Variants in TMEM232 observed in about 807,000 individuals in gnomAD.
TMEM232 encodes transmembrane protein 232.
A neutral mutation model predicts 78.8 loss-of-function variants in TMEM232; 80 were observed. The observed-to-expected ratio is 1.01, with a 90% CI of 0.85 to 1.22. The LOEUF is 1.22. Among genes scored for constraint, TMEM232 ranks in the 50% most tolerant of loss-of-function variants. TMEM232 has a pLI of 0.00. For synonymous variants in TMEM232, 297 were observed against 254.3 expected (o/e 1.17, Z -1.60); for missense variants, 881 against 742.2 (o/e 1.19, Z -2.17).
intron 10 of TMEM232, among the ~76,000 whole-genome samples, chr5:110,601,808 A>G (rs145077161): frequency 0.02 from 3,017 of 152,294 alleles, 88 homozygotes; most frequent in African/African-American, 0.07. Flanking sequence ...TAAATTTCAT[A>G]TGGAACCAAA....
intron 5 of TMEM232, among the ~76,000 whole-genome samples, chr5:110,637,329 T>C (rs1173897048): frequency 6.6e-6 from 1 of 151,614 alleles, no homozygotes; most frequent in African/African-American, 2.4e-5. Flanking sequence ...TATTATGTAT[T>C]CTCTGTATCT....
intron 4 of TMEM232, 100 bp downstream of exon 4, chr5:110,640,791 G>T: frequency 1.4e-6 from 1 of 732,462 alleles, no homozygotes; most frequent in Non-Finnish European, 2.0e-6. Context: ...AAAATTTCTT[G>T]TCTTCTGCAC....
At chr5:110,440,131 A>G (rs1758870057) in intron 12 of TMEM232, among the ~76,000 whole-genome samples, 1 of 152,170 alleles carries the variant, frequency 6.6e-6, no homozygotes, top group Admixed American at 6.6e-5. Flanking sequence ...GATGAGTAGG[A>G]GTTAGTATAA....
intron 10 of TMEM232, among the ~76,000 whole-genome samples, chr5:110,595,868 A>C (rs928897130): frequency 6.6e-6 from 1 of 152,144 alleles, no homozygotes; most frequent in African/African-American, 2.4e-5. Flanking sequence ...TATTATCCGG[A>C]AGAACTTCCC....
intron 11 of TMEM232, among the ~76,000 whole-genome samples, chr5:110,559,766 C>T (rs956598383): frequency 1.3e-5 from 2 of 152,126 alleles, no homozygotes; most frequent in African/African-American, 2.4e-5. Context: ...TTTATCATGT[C>T]ACAGTTCTGA....
chr5:110,475,041 A>C (rs928584403), intron 12 of TMEM232, among the ~76,000 whole-genome samples: 1 of 151,984 alleles, frequency 6.6e-6, no homozygotes, highest in Non-Finnish European at 1.5e-5. Context: ...AAAAGTCCTG[A>C]AGAGCCCTAA....
chr5:110,395,916 T>C (rs943655376), intron 3 of TMEM232, among the ~76,000 whole-genome samples: 3 of 152,124 alleles, frequency 2.0e-5, no homozygotes, highest in Admixed American at 1.3e-4. Flanking sequence ...GCAACTATCT[T>C]ACACTATGAA....
At chr5:110,721,206 C>A (rs1797561492) in intron 1 of TMEM232, among the ~76,000 whole-genome samples, 1 of 152,016 alleles carries the variant, frequency 6.6e-6, no homozygotes, top group African/African-American at 2.4e-5. Flanking sequence ...TTTCATGGGG[C>A]AGTCTTTTAC....
intron 2 of TMEM232, among the ~76,000 whole-genome samples, chr5:110,651,983 G>C (rs1463438627): frequency 6.6e-6 from 1 of 151,980 alleles, no homozygotes; most frequent in Admixed American, 6.6e-5. Flanking sequence ...ACAAACATCT[G>C]GTGTTTGCTT....
chr5:110,629,080 G>A (rs1234162153), intron 5 of TMEM232: 1 of 151,868 alleles, frequency 6.6e-6, no homozygotes, highest in African/African-American at 2.4e-5. Flanking sequence ...GTTTCTCTAA[G>A]AGACCGAAGT....
intron 12 of TMEM232, among the ~76,000 whole-genome samples, chr5:110,501,574 T>A (rs1766270318): frequency 6.6e-6 from 1 of 152,134 alleles, no homozygotes; most frequent in South Asian, 2.1e-4. Context: ...AGGTGACCAT[T>A]TTAAAGGTTC....
intron 1 of TMEM232, among the ~76,000 whole-genome samples, chr5:110,670,551 T>C (rs1791223966): frequency 6.6e-6 from 1 of 152,138 alleles, no homozygotes; most frequent in African/African-American, 2.4e-5. Flanking sequence ...AAAATGGCCA[T>C]ATTGTCCAAC....
intron 12 of TMEM232, among the ~76,000 whole-genome samples, chr5:110,519,943 T>C (rs973459456): frequency 2.7e-5 from 4 of 150,540 alleles, no homozygotes; most frequent in East Asian, 2.0e-4. Flanking sequence ...AGATGGAGAA[T>C]AGAATGATGG....
chr5:110,500,388 T>C (rs1766133813), intron 12 of TMEM232, among the ~76,000 whole-genome samples: 1 of 151,962 alleles, frequency 6.6e-6, no homozygotes, highest in Non-Finnish European at 1.5e-5. Flanking sequence ...GGAATTAAAT[T>C]TGATGTGAAT....
rs201775521 is a variant in TMEM232, at chr5:110,480,230, C to CA, written c.1703+48357dup. Among the ~76,000 whole-genome samples, 1,118 of 146,800 alleles carry CA rather than the reference C, an allele frequency of 7.6e-3. 20 individuals are homozygous for CA. Among genetic ancestry groups the CA allele is most frequent in the African/African-American group, 0.024 (958 of 40,194 alleles). On this transcript the variant is annotated intron_variant, in intron 12 of 13. Transcript: ENST00000455884. ...AAAAGAAGCTTCTATATTCTCCATG[C>CA]AAAAAAAAATGATCTTCAGAGATTA...
intron 1 of TMEM232, among the ~76,000 whole-genome samples, chr5:110,684,160 G>C (rs577984203): frequency 6.6e-6 from 1 of 151,950 alleles, no homozygotes; most frequent in South Asian, 2.1e-4. Flanking sequence ...AACCATAAAA[G>C]GGTGTCTATA....
intron 1 of TMEM232, among the ~76,000 whole-genome samples, chr5:110,699,193 C>A (rs1317061437): frequency 6.6e-6 from 1 of 152,020 alleles, no homozygotes; most frequent in Non-Finnish European, 1.5e-5. Context: ...TGAAGGTGAG[C>A]TTTCTTGAGA....
At chr5:110,653,937 T>G (rs1788680241) in intron 2 of TMEM232, among the ~76,000 whole-genome samples, 1 of 152,174 alleles carries the variant, frequency 6.6e-6, no homozygotes, top group South Asian at 2.1e-4. Flanking sequence ...CCTTAAAATT[T>G]CAAGAGGAAG....
Position 110,528,804 on chromosome 5 carries a change from G to C in TMEM232, c.1487C>G (p.Thr496Ser), listed in dbSNP as rs896402447. The change falls in exon 12 of 14, where the codon ACT (threonine) becomes AGT (serine). Residue 496 changes from threonine (T) to serine (S), a missense_variant. By Grantham distance (58) the Thr-to-Ser change is moderately conservative (BLOSUM62 1). Transcript: ENST00000455884. ...AELNDPTDPFTRYSTNISSNV... is the reference protein window; with the variant it reads ...AELNDPTDPFSRYSTNISSNV... ...TGATGAAATATTTGTACTATATCTA[G>C]TGAAAGGATCAGTTGGGTCATTTAA... is the stretch of plus-strand genomic sequence containing the variant. 1.7e-5 allele frequency: 26 copies of C among 1,516,996 alleles called. 1 individual carries two copies. In the African/African-American group the frequency reaches 2.5e-4, roughly 14 times the overall value. 94.0% of individuals were successfully genotyped at this position (1,516,996 alleles called of 1,614,324 possible).
Sources: gnomAD v4.1 joint callset for allele counts (sites outside exome capture counted in the v4.1 genomes callset) on GRCh38, gnomAD v4.1.1 for gene constraint, MANE v1.5 for transcripts, NCBI Gene and HGNC (gene_info 2026-07-23, HGNC 2026-07-21) for gene names.